The following RYR3 variants were observed in gnomAD, a reference collection of about 807,000 sequenced individuals.
RYR3 encodes the protein brain ryanodine receptor-calcium release channel.
A neutral mutation model predicts 584.3 loss-of-function variants in RYR3; 207 were observed. That is an observed-to-expected ratio of 0.35 (90% confidence interval 0.32 to 0.40). The LOEUF (loss-of-function observed/expected upper bound fraction) is 0.40. Among genes scored for constraint, RYR3 ranks in the 10% least tolerant of loss-of-function variants. The pLI, the probability that RYR3 is intolerant of heterozygous loss-of-function variation, is 1.00. For synonymous variants in RYR3, 2,416 were observed against 2,248.5 expected, an observed-to-expected ratio of 1.07 and a Z score of -2.11; for missense variants, 5,616 against 6,089.2, an observed-to-expected ratio of 0.92 and a Z score of 2.59.
intron 50 of RYR3, among the ~76,000 whole-genome samples, chr15:33,739,395 A>G (rs2069837436): frequency 6.6e-6 from 1 of 152,130 alleles, no homozygotes; most frequent in Non-Finnish European, 1.5e-5. Context: ...CAGCCTGCTG[A>G]TGATGTCAAC....
rs536288072 is a variant in RYR3 at position 33,724,253 on chromosome 15, C to A, written c.6912+77C>A. On this transcript the variant is annotated intron_variant, in intron 45 of 103. Transcript: ENST00000634891. ...ACTATAGATTTCCTGAACCTCATTT[C>A]TTCCTCTGTCTCTGGCATTTGCTAA... 4 of 780,024 alleles carry A rather than the reference C, an allele frequency of 5.1e-6. No individual in the cohort carries two copies. The East Asian group carries it at 8.1e-5, about 16-fold the overall frequency. The allele number at this position is 780,024 out of a possible 1,614,324, so 48.3% of individuals were successfully genotyped here.
chr15:33,414,613 T>A (rs1174308211), intron 1 of RYR3, among the ~76,000 whole-genome samples: 1 of 152,154 alleles, frequency 6.6e-6, no homozygotes, highest in Non-Finnish European at 1.5e-5. Flanking sequence ...TAAGTAATTT[T>A]TATTTTTTTT....
chr15:33,385,738 C>G (rs1279733404), intron 1 of RYR3, among the ~76,000 whole-genome samples: 1 of 128,918 alleles, frequency 7.8e-6, no homozygotes, highest in Non-Finnish European at 1.6e-5. Flanking sequence ...GGGTCTCACT[C>G]TGTAGCCCAG....
chr15:33,579,201 A>T (rs951278655), intron 12 of RYR3, among the ~76,000 whole-genome samples: 2 of 152,100 alleles, frequency 1.3e-5, no homozygotes, highest in Non-Finnish European at 2.9e-5. Flanking sequence ...AAGGAGGGTG[A>T]TATTCAGAGA....
intron 37 of RYR3, among the ~76,000 whole-genome samples, chr15:33,669,720 T>G (rs184145165): frequency 5.8e-4 from 88 of 152,094 alleles, no homozygotes; most frequent in African/African-American, 2.1e-3. Context: ...AGCAAAAGAA[T>G]GAAGACAACT....
chr15:33,697,951 G>T lies in RYR3; in HGVS notation c.6204G>T (p.Thr2068=). 6.2e-7 allele frequency: 1 copy of T among 1,613,726 alleles called. No individual in the cohort carries two copies. The highest frequency in any genetic ancestry group is 1.1e-5 in the South Asian group (1 of 91,070). The change falls in exon 40 of 104, where the codon ACG becomes ACT. Residue 2068 remains threonine (T), a synonymous_variant. Transcript: ENST00000634891. ...TGAGAGTCCTGGGCATGCACGAGAC[G>T]GTGATGGAGGTGATGGTGAACGTGT... ...NLMRVLGMHE[T]VMEVMVNVLG...
intron 10 of RYR3, among the ~76,000 whole-genome samples, chr15:33,555,367 G>A (rs946710433): frequency 3.9e-5 from 6 of 152,180 alleles, no homozygotes; most frequent in African/African-American, 1.4e-4. Flanking sequence ...AGGAGGGAAG[G>A]GGAAAGAGGA....
chr15:33,554,599 C>T (rs959744138), intron 10 of RYR3, among the ~76,000 whole-genome samples: 7 of 152,176 alleles, frequency 4.6e-5, no homozygotes, highest in African/African-American at 1.7e-4. Context: ...CCTGGCCAAC[C>T]TCCATTATCT....
chr15:33,859,553 C>A (rs2153013261), intron 99 of RYR3, 22 bp from the exon 100 acceptor site: 5 of 1,613,112 alleles, frequency 3.1e-6, no homozygotes, highest in Non-Finnish European at 4.2e-6. Flanking sequence ...TTGCCTAAAT[C>A]CCCCTTATTT....
intron 57 of RYR3, among the ~76,000 whole-genome samples, chr15:33,751,461 C>T (rs1240176288): frequency 2.6e-5 from 4 of 152,032 alleles, no homozygotes; most frequent in Admixed American, 6.6e-5. Flanking sequence ...ATTGTGGTTT[C>T]GATTTGCATT....
rs571061030 is a variant in RYR3, at chr15:33,623,650, A to G, written c.2358-157A>G. On this transcript the variant is annotated intron_variant, in intron 19 of 103. Transcript: ENST00000634891. ...ACTTACCCCTCTGCTGTTTTGTTAC[A>G]TACTGGATGATGTTTGCTGTGGTTA... Among the ~76,000 whole-genome samples, 4 of 152,298 alleles carry G rather than the reference A, an allele frequency of 2.6e-5. No individual in the cohort carries two copies. The South Asian group carries it at 6.2e-4, about 24-fold the overall frequency.
At chr15:33,346,721 A>T (rs150112646) in intron 1 of RYR3, among the ~76,000 whole-genome samples, 1 of 152,182 alleles carries the variant, frequency 6.6e-6, no homozygotes, top group Non-Finnish European at 1.5e-5. Flanking sequence ...TTTGCTTTAT[A>T]AGTAAGTACA....
intron 1 of RYR3, among the ~76,000 whole-genome samples, chr15:33,424,111 A>G (rs1031346434): frequency 2.0e-5 from 3 of 152,088 alleles, no homozygotes; most frequent in Non-Finnish European, 4.4e-5. Context: ...CATTCCTCCT[A>G]AATACTGCAG....
chr15:33,788,440 G>T lies in RYR3; in HGVS notation c.9812G>T (p.Arg3271Leu), dbSNP rs187608290. 6.2e-7 allele frequency: 1 copy of T among 1,613,776 alleles called. No individual in the cohort carries two copies. The highest frequency in any genetic ancestry group is 8.5e-7 in the Non-Finnish European group (1 of 1,179,716). The part of the protein sequence containing the change: ...DLYAFYPMLI[R>L]YVDNNRSNWL... Reference sequence around the variant, plus strand: ...TATGCCTTCTACCCCATGCTGATCCGCTACGTGGACAACAACAGGTACGGA... The same window carrying T: ...TATGCCTTCTACCCCATGCTGATCCTCTACGTGGACAACAACAGGTACGGA... Residue 3271 changes from arginine (R) to leucine (L), a missense_variant, in exon 67 of 104, where the codon CGC becomes CTC. Transcript: ENST00000634891.
rs1180178984 is a variant in RYR3 at position 33,646,470 on chromosome 15, G to A, written c.3885G>A (p.Glu1295=). Residue 1295 remains glutamate (E), a synonymous_variant, in exon 29 of 104, where the codon GAG becomes GAA. Transcript: ENST00000634891. ...ATTGCCGCTTGAGCATGCCTGTCGA[G>A]TGCCACTCCTCCTTCAGCCACAGCC... The part of the protein sequence containing the change: ...MIYCRLSMPV[E]CHSSFSHSPC... 2 of 1,613,932 alleles carry A rather than the reference G, an allele frequency of 1.2e-6. No individual in the cohort carries two copies. Among genetic ancestry groups the A allele is most frequent in the Non-Finnish European group, 1.7e-6 (2 of 1,179,848 alleles).
intron 64 of RYR3, among the ~76,000 whole-genome samples, chr15:33,774,563 T>G (rs1269421674): frequency 6.6e-6 from 1 of 152,192 alleles, no homozygotes; most frequent in Non-Finnish European, 1.5e-5. Context: ...CTTCAAGAAC[T>G]AAGGAACTAC....
intron 64 of RYR3, among the ~76,000 whole-genome samples, chr15:33,774,372 G>A (rs532504210): frequency 5.9e-5 from 9 of 152,240 alleles, no homozygotes; most frequent in Non-Finnish European, 1.0e-4. Flanking sequence ...GAAAGAATTC[G>A]GTCTGTGCTT....
chr15:33,387,960 A>G (rs1412159793), intron 1 of RYR3, among the ~76,000 whole-genome samples: 1 of 152,180 alleles, frequency 6.6e-6, no homozygotes, highest in Non-Finnish European at 1.5e-5. Flanking sequence ...AAATTATAAA[A>G]AAAATTTTAA....
intron 2 of RYR3, among the ~76,000 whole-genome samples, chr15:33,493,995 C>A (rs935759388): frequency 1.3e-5 from 2 of 152,156 alleles, no homozygotes; most frequent in Admixed American, 1.3e-4. Flanking sequence ...AGTTACTAAA[C>A]CTTCCTCCAA....
Sources: allele counts gnomAD v4.1 joint callset (sites outside exome capture counted in the v4.1 genomes callset), GRCh38; gene constraint gnomAD v4.1.1; transcripts MANE v1.5; gene names NCBI Gene and HGNC (gene_info 2026-07-23, HGNC 2026-07-21).